Variants in PDE4B observed in about 807,000 individuals in gnomAD.
PDE4B encodes phosphodiesterase 4B, also known as 3',5'-cyclic-AMP phosphodiesterase 4B.
In PDE4B, 20 loss-of-function variants were observed where a neutral mutation model predicts 82.2. The observed-to-expected ratio is 0.24, with a 90% CI of 0.17 to 0.35. The LOEUF (loss-of-function observed/expected upper bound fraction) is 0.35. Ranked by LOEUF, PDE4B falls within the 10% of genes least tolerant of loss-of-function variation. The pLI, the probability that PDE4B is intolerant of heterozygous loss-of-function variation, is 1.00. For missense variants in PDE4B, 655 were observed against 907.2 expected, an observed-to-expected ratio of 0.72 and a Z score of 3.57; for synonymous variants, 320 against 318.9, an observed-to-expected ratio of 1.00 and a Z score of -0.04.
chr1:66,326,359 A>C (rs1160329109), intron 7 of PDE4B, among the ~76,000 whole-genome samples: 1 of 152,212 alleles, frequency 6.6e-6, no homozygotes, highest in Non-Finnish European at 1.5e-5. Flanking sequence ...ACCCTATAGA[A>C]AGCCCTTCAA....
At chr1:66,074,734 T>C (rs1367053092) in intron 3 of PDE4B, among the ~76,000 whole-genome samples, 1 of 152,158 alleles carries the variant, frequency 6.6e-6, no homozygotes, top group African/African-American at 2.4e-5. Flanking sequence ...AATCATATAA[T>C]ATGTGGCCTT....
intron 3 of PDE4B, among the ~76,000 whole-genome samples, chr1:65,936,444 C>G (rs1454343138): frequency 6.6e-6 from 1 of 152,174 alleles, no homozygotes; most frequent in Non-Finnish European, 1.5e-5. Flanking sequence ...ATGGGACCAC[C>G]ATCATACATG....
At chr1:66,102,759 A>T (rs1479864707) in intron 3 of PDE4B, among the ~76,000 whole-genome samples, 1 of 152,068 alleles carries the variant, frequency 6.6e-6, no homozygotes, top group African/African-American at 2.4e-5. Flanking sequence ...ACTGAGACTC[A>T]CTTTCTTGAG....
rs148035317 is a variant in PDE4B at position 65,823,808 on chromosome 1, A to G, written c.-71+30560A>G. Among the ~76,000 whole-genome samples, 145 of 152,174 alleles carry G rather than the reference A, an allele frequency of 9.5e-4. 1 individual carries two copies. The highest frequency in any genetic ancestry group is 3.4e-3 in the African/African-American group (140 of 41,500). The stretch of plus-strand genomic sequence containing the variant: ...CTACACTTTCTTTCTGCAGATTCTA[A>G]TATCTTGTTATGTCAATATGAACAC... On this transcript the variant is annotated intron_variant, in intron 1 of 16. Coordinates refer to ENST00000341517, the MANE Select transcript of PDE4B (RefSeq NM_002600.4).
intron 3 of PDE4B, among the ~76,000 whole-genome samples, chr1:66,199,180 C>T (rs1004913282): frequency 2.6e-5 from 4 of 151,788 alleles, no homozygotes; most frequent in Middle Eastern, 3.4e-3. Flanking sequence ...CCTGAGGAAT[C>T]GCCACACTGA....
intron 3 of PDE4B, among the ~76,000 whole-genome samples, chr1:66,081,598 T>G (rs1043652297): frequency 1.3e-4 from 20 of 152,264 alleles, no homozygotes; most frequent in African/African-American, 4.6e-4. Context: ...AGCAATTCAA[T>G]TCTATATTGT....
At chr1:66,243,664 A>G (rs1004326618) in intron 3 of PDE4B, among the ~76,000 whole-genome samples, 10 of 152,310 alleles carry the variant, frequency 6.6e-5, no homozygotes, top group South Asian at 2.1e-4. Flanking sequence ...AAGACATTCC[A>G]GTTATGGGAA....
intron 1 of PDE4B, among the ~76,000 whole-genome samples, chr1:65,892,666 T>G (rs1184986134): frequency 6.6e-6 from 1 of 152,026 alleles, no homozygotes; most frequent in Non-Finnish European, 1.5e-5. Context: ...TTCCACTTCA[T>G]CAGTTATCCT....
chr1:66,242,657 C>T (rs1185082041), intron 3 of PDE4B, among the ~76,000 whole-genome samples: 2 of 152,198 alleles, frequency 1.3e-5, no homozygotes, highest in Non-Finnish European at 2.9e-5. Context: ...GACCACCTGG[C>T]TTAACTTGAA....
intron 3 of PDE4B, among the ~76,000 whole-genome samples, chr1:65,939,963 G>T (rs146486937): frequency 6.6e-6 from 1 of 152,246 alleles, no homozygotes; most frequent in East Asian, 1.9e-4. Flanking sequence ...GCATGAGTTT[G>T]TTCATTGAGC....
At chr1:66,032,687 G>T (rs1246766026) in intron 3 of PDE4B, among the ~76,000 whole-genome samples, 1 of 136,158 alleles carries the variant, frequency 7.3e-6, no homozygotes, top group Non-Finnish European at 1.5e-5. Flanking sequence ...AAGGAGTCTC[G>T]CTCTGTCAGC....
At chr1:66,361,820 T>C (rs377438140) in intron 10 of PDE4B, 27 bp downstream of exon 10, 6 of 1,576,984 alleles carry the variant, frequency 3.8e-6, no homozygotes, top group African/African-American at 2.7e-5. Context: ...GTTTTGTGCA[T>C]GTAGCTCTCT....
At position 66,110,197 on chromosome 1, in the gene PDE4B, G is replaced by C. The variant is rs373517694; in HGVS notation, c.282-137263G>C. Among the ~76,000 whole-genome samples, 93 of 152,060 alleles carry C rather than the reference G, an allele frequency of 6.1e-4. 1 individual carries two copies. In the South Asian group the frequency reaches 0.019, roughly 31 times the overall value. ...TGCTTAAACCTAGGTTTTCAATAAA[G>C]AGCGGAAATTGATGAGCGTTTGAGG... is the stretch of plus-strand genomic sequence containing the variant. On this transcript the variant is annotated intron_variant, in intron 3 of 16. Transcript: ENST00000341517.
intron 3 of PDE4B, among the ~76,000 whole-genome samples, chr1:65,943,381 C>A (rs2100551926): frequency 6.6e-6 from 1 of 152,052 alleles, no homozygotes. Context: ...ATGACAGCAC[C>A]ATGCTGTTTT....
chr1:65,928,667 G>GCAA (rs1459386511), intron 3 of PDE4B, among the ~76,000 whole-genome samples: 55 of 152,274 alleles, frequency 3.6e-4, no homozygotes, highest in Non-Finnish European at 4.1e-4. Context: ...GCAAGGCATT[G>GCAA]GTCAAGGGTG....
At position 66,252,851 on chromosome 1, in the gene PDE4B, A is replaced by G. The variant is rs543655333; in HGVS notation, c.477-4796A>G. 2.0e-5 allele frequency among the ~76,000 whole-genome samples: 3 copies of G among 152,354 alleles called. No individual in the cohort carries two copies. The South Asian group carries it at 6.2e-4, about 32-fold the overall frequency. ...CTCCTCAGGAGGCTGAGATAGCAGGATCACTTGAGCCAGAGAGGTGGAGGT... is the reference window on the plus strand; with the variant it reads ...CTCCTCAGGAGGCTGAGATAGCAGGGTCACTTGAGCCAGAGAGGTGGAGGT... On this transcript the variant is annotated intron_variant, in intron 4 of 16. Coordinates refer to ENST00000341517, the MANE Select transcript of PDE4B (RefSeq NM_002600.4).
At chr1:66,154,922 T>C (rs1646473584) in intron 3 of PDE4B, among the ~76,000 whole-genome samples, 1 of 152,118 alleles carries the variant, frequency 6.6e-6, no homozygotes, top group South Asian at 2.1e-4. Flanking sequence ...GCACAGTGTG[T>C]AATCTTGCAC....
intron 3 of PDE4B, among the ~76,000 whole-genome samples, chr1:66,200,858 C>G (rs1440981168): frequency 1.3e-5 from 2 of 152,084 alleles, no homozygotes; most frequent in Admixed American, 1.3e-4. Flanking sequence ...ACCTAATTGC[C>G]CTGGCCAGAA....
chr1:66,217,802 A>G lies in PDE4B; in HGVS notation c.282-29658A>G, dbSNP rs889149966. 3.9e-5 allele frequency among the ~76,000 whole-genome samples: 6 copies of G among 152,242 alleles called. No individual in the cohort carries two copies. The South Asian group carries it at 1.2e-3, about 32-fold the overall frequency. On this transcript the variant is annotated intron_variant, in intron 3 of 16. Coordinates refer to ENST00000341517, the MANE Select transcript of PDE4B (RefSeq NM_002600.4). ...TGCAACTGTATCTGGGATCTTTCAAACAATATTTCAATATATTATGCTTTA... is the reference window on the plus strand; with the variant it reads ...TGCAACTGTATCTGGGATCTTTCAAGCAATATTTCAATATATTATGCTTTA...
Sources: allele counts gnomAD v4.1 joint callset (sites outside exome capture counted in the v4.1 genomes callset), GRCh38; gene constraint gnomAD v4.1.1; transcripts MANE v1.5; gene names NCBI Gene and HGNC (gene_info 2026-07-23, HGNC 2026-07-21).